Variants in PDLIM5 observed in about 807,000 individuals in gnomAD.
PDLIM5 encodes the protein PDZ and LIM domain protein 5.
In PDLIM5, 34 loss-of-function variants were observed where a neutral mutation model predicts 64.2. The ratio of observed to expected loss-of-function variants is 0.53; its 90% confidence interval spans 0.40 to 0.71. PDLIM5 has a LOEUF of 0.71. Ranked by LOEUF, PDLIM5 falls within the 30% of genes least tolerant of loss-of-function variation. The pLI is 0.00. For missense variants in PDLIM5, 683 were observed against 733.6 expected (o/e 0.93, Z 0.80); for synonymous variants, 253 against 269.1 (o/e 0.94, Z 0.59).
intron 11 of PDLIM5, among the ~76,000 whole-genome samples, chr4:94,661,578 T>C (rs1742721117): frequency 6.6e-6 from 1 of 152,148 alleles, no homozygotes; most frequent in African/African-American, 2.4e-5. Context: ...TACAGCAAAA[T>C]AAATTGTGGC....
At chr4:94,579,513 CT>C in intron 5 of PDLIM5, 1 of 1,352,754 alleles carries the variant, frequency 7.4e-7, no homozygotes, top group Non-Finnish European at 1.0e-6. Flanking sequence ...ATACTTTTCT[CT>C]TTGCAGAAAA....
intron 2 of PDLIM5, among the ~76,000 whole-genome samples, chr4:94,493,530 A>C (rs557589014): frequency 4.6e-5 from 7 of 152,200 alleles, no homozygotes; most frequent in Middle Eastern, 6.8e-3. Context: ...TGCCCAGGTT[A>C]GTCTCAATGA....
chr4:94,617,664 AAGT>A (rs1738893520), intron 7 of PDLIM5, among the ~76,000 whole-genome samples: 1 of 151,374 alleles, frequency 6.6e-6, no homozygotes, highest in Non-Finnish European at 1.5e-5. Context: ...AAAAAAAAAA[AAGT>A]AGAAGAAGAA....
chr4:94,597,759 A>G (rs1737183650), intron 7 of PDLIM5, among the ~76,000 whole-genome samples: 1 of 152,164 alleles, frequency 6.6e-6, no homozygotes. Flanking sequence ...TAAAAGGAAA[A>G]TATAGTACTG....
intron 7 of PDLIM5, chr4:94,586,957 C>CTT (rs70946535): frequency 0.014 from 17,193 of 1,190,788 alleles, 138 homozygotes; most frequent in African/African-American, 0.022. Flanking sequence ...TTCTATCACT[C>CTT]TTTTTTTTTT....
At chr4:94,577,190 C>A in intron 5 of PDLIM5, 1 of 457,140 alleles carries the variant, frequency 2.2e-6, no homozygotes, top group Non-Finnish European at 4.4e-6. Context: ...GTCTACAGGC[C>A]TGATGGTTTT....
chr4:94,601,120 A>G (rs912547718), intron 7 of PDLIM5, among the ~76,000 whole-genome samples: 1 of 152,186 alleles, frequency 6.6e-6, no homozygotes, highest in Non-Finnish European at 1.5e-5. Context: ...GAACAAAAAT[A>G]TCATGGACTG....
At chr4:94,544,715 G>A (rs9307143) in intron 3 of PDLIM5, among the ~76,000 whole-genome samples, 8,896 of 152,204 alleles carry the variant, frequency 0.058, 334 homozygotes, top group African/African-American at 0.11. Context: ...GAGTGCAGTG[G>A]CATAATCTCA....
At chr4:94,553,388 C>T (rs1392896576) in intron 3 of PDLIM5, among the ~76,000 whole-genome samples, 2 of 152,142 alleles carry the variant, frequency 1.3e-5, no homozygotes, top group African/African-American at 2.4e-5. Context: ...GGATTACAGG[C>T]GTGAGCCACC....
rs753512384 is a variant in PDLIM5, at chr4:94,664,073, A to T, written c.*6A>T. 6.9e-6 allele frequency: 11 copies of T among 1,591,202 alleles called. No individual in the cohort carries two copies. In the African/African-American group the frequency reaches 1.5e-4, roughly 21 times the overall value. ...CTCATTCTGTGAATTTTTGAAAGTC[A>T]ACAGTTCAGGAGAAGAGAAGGAATT... is the stretch of plus-strand genomic sequence containing the variant. On this transcript the variant is annotated 3_prime_UTR_variant, in exon 13 of 13. Coordinates refer to ENST00000317968, the MANE Select transcript of PDLIM5 (RefSeq NM_006457.5).
chr4:94,502,712 A>C (rs778345247), intron 2 of PDLIM5, among the ~76,000 whole-genome samples: 4 of 152,060 alleles, frequency 2.6e-5, no homozygotes, highest in African/African-American at 9.7e-5. Flanking sequence ...CCCCATCTCT[A>C]CTAAAAATAC....
At chr4:94,471,714 T>C (rs932728531) in intron 2 of PDLIM5, among the ~76,000 whole-genome samples, 1 of 152,146 alleles carries the variant, frequency 6.6e-6, no homozygotes, top group Admixed American at 6.6e-5. Context: ...TCTTTACCTG[T>C]CAAATAAGGG....
intron 3 of PDLIM5, among the ~76,000 whole-genome samples, chr4:94,558,736 T>G (rs1936923569): frequency 6.6e-6 from 1 of 152,116 alleles, no homozygotes; most frequent in African/African-American, 2.4e-5. Flanking sequence ...TGTTGCTTTT[T>G]TTTTTATTCT....
At chr4:94,479,597 C>G (rs560091789) in intron 2 of PDLIM5, among the ~76,000 whole-genome samples, 4 of 152,066 alleles carry the variant, frequency 2.6e-5, no homozygotes, top group African/African-American at 9.6e-5. Flanking sequence ...TCCCAAAGTG[C>G]TGAGATTACA....
intron 2 of PDLIM5, among the ~76,000 whole-genome samples, chr4:94,485,889 T>C (rs1315074699): frequency 6.6e-6 from 1 of 151,082 alleles, no homozygotes; most frequent in Non-Finnish European, 1.5e-5. Context: ...TTATCTCTGA[T>C]GGCTCTTTTA....
chr4:94,629,636 C>T (rs1165925930), intron 8 of PDLIM5, among the ~76,000 whole-genome samples: 3 of 152,162 alleles, frequency 2.0e-5, no homozygotes, highest in Admixed American at 6.5e-5. Context: ...GTTTAATCTG[C>T]GTTCTTAAAG....
chr4:94,522,343 A>G (rs1729905495), intron 2 of PDLIM5, among the ~76,000 whole-genome samples: 3 of 152,290 alleles, frequency 2.0e-5, no homozygotes, highest in Admixed American at 2.0e-4. Flanking sequence ...GATAAAATAA[A>G]CATAACATAA....
chr4:94,569,432 G>A (rs1234185657), intron 3 of PDLIM5, among the ~76,000 whole-genome samples: 1 of 152,076 alleles, frequency 6.6e-6, no homozygotes, highest in Admixed American at 6.5e-5. Context: ...CAGTTCTCCT[G>A]CCTCAGCCTC....
intron 8 of PDLIM5, among the ~76,000 whole-genome samples, chr4:94,626,311 T>A (rs1259889720): frequency 6.6e-6 from 1 of 152,152 alleles, no homozygotes; most frequent in African/African-American, 2.4e-5. Context: ...GTAACAGATA[T>A]TTTTATAAGA....
Sources: gnomAD v4.1 joint callset for allele counts (sites outside exome capture counted in the v4.1 genomes callset) on GRCh38, gnomAD v4.1.1 for gene constraint, MANE v1.5 for transcripts, NCBI Gene and HGNC (gene_info 2026-07-23, HGNC 2026-07-21) for gene names.